Variants in NF1 observed in about 807,000 individuals in gnomAD.
The protein encoded by NF1 is neurofibromin 1.
In NF1, 122 loss-of-function variants were observed where a neutral mutation model predicts 325.7. That is an observed-to-expected ratio of 0.37 (90% CI 0.32 to 0.44). The LOEUF (loss-of-function observed/expected upper bound fraction) is 0.44. Ranked by LOEUF, NF1 falls within the 20% of genes least tolerant of loss-of-function variation. NF1 has a pLI of 1.00. For synonymous variants in NF1, 1,091 were observed against 1,186.0 expected, an observed-to-expected ratio of 0.92 and a Z score of 1.65; for missense variants, 2,140 against 3,415.4, an observed-to-expected ratio of 0.63 and a Z score of 9.31.
intron 36 of NF1, among the ~76,000 whole-genome samples, chr17:31,311,580 G>A (rs2151517488): frequency 6.6e-6 from 1 of 152,272 alleles, no homozygotes; most frequent in African/African-American, 2.4e-5. Flanking sequence ...AACTACAATA[G>A]GAAGTATTTG....
intron 1 of NF1, among the ~76,000 whole-genome samples, chr17:31,127,384 C>T (rs894166313): frequency 2.0e-5 from 3 of 151,966 alleles, no homozygotes; most frequent in African/African-American, 7.3e-5. Context: ...TTGAGGCTTC[C>T]TATTTAAGAA....
In NF1 at chr17:31,325,961, C is replaced by T. The variant is rs863224355; in HGVS notation, c.4977C>T (p.Leu1659=). ...GCAATCGCTTTAAAACAGACTTTCTCTCTAAGTGGTTTGTTGTTTTTCCTG... is the reference window on the plus strand; with the variant it reads ...GCAATCGCTTTAAAACAGACTTTCTTTCTAAGTGGTTTGTTGTTTTTCCTG... ...GPSNRFKTDF[L]SKWFVVFPGF... Residue 1659 remains leucine (L), a synonymous_variant, in exon 37 of 58, where the codon CTC becomes CTT. Transcript: ENST00000358273. 6.2e-7 allele frequency: 1 copy of T among 1,614,220 alleles called. No individual in the cohort carries two copies. The highest frequency in any genetic ancestry group is 8.5e-7 in the Non-Finnish European group (1 of 1,180,040).
chr17:31,139,297 C>A (rs528130985), intron 1 of NF1, among the ~76,000 whole-genome samples: 1 of 152,008 alleles, frequency 6.6e-6, no homozygotes, highest in Non-Finnish European at 1.5e-5. Flanking sequence ...ATCGGCCTGC[C>A]TCGGCCTCTC....
intron 3 of NF1, among the ~76,000 whole-genome samples, chr17:31,162,366 A>G (rs975807488): frequency 3.9e-5 from 6 of 152,210 alleles, no homozygotes; most frequent in African/African-American, 7.2e-5. Context: ...AATCCCAGCT[A>G]TTAGGGAGGC....
chr17:31,367,456 C>A (rs190051933), intron 57 of NF1, among the ~76,000 whole-genome samples: 4 of 152,068 alleles, frequency 2.6e-5, no homozygotes, highest in Admixed American at 1.3e-4. Context: ...ATTGCACGGC[C>A]AGTGTGTGGC....
At chr17:31,097,041 G>T (rs1378902860) in intron 1 of NF1, among the ~76,000 whole-genome samples, 5 of 152,002 alleles carry the variant, frequency 3.3e-5, no homozygotes, top group African/African-American at 7.2e-5. Flanking sequence ...GATCCACGCC[G>T]CAATTCTCCT....
At chr17:31,095,530 A>C (rs1174164772) in intron 1 of NF1, 161 bp downstream of exon 1, 2 of 653,148 alleles carry the variant, frequency 3.1e-6, no homozygotes, top group Non-Finnish European at 5.0e-6. Flanking sequence ...GGGGGTGGCC[A>C]AGGCGGGAGG....
chr17:31,159,368 T>G (rs1403059315), intron 3 of NF1, among the ~76,000 whole-genome samples: 2 of 152,312 alleles, frequency 1.3e-5, no homozygotes, highest in East Asian at 3.9e-4. Context: ...GGAAAATATT[T>G]TATGAAGAGA....
At chr17:31,278,618 TA>T (rs745719794) in intron 36 of NF1, among the ~76,000 whole-genome samples, 14 of 149,086 alleles carry the variant, frequency 9.4e-5, no homozygotes, top group South Asian at 6.3e-4. Flanking sequence ...ATTTTTTTAT[TA>T]TTTTTTTTTT....
chr17:31,160,891 A>C (rs1395119426), intron 3 of NF1, among the ~76,000 whole-genome samples: 2 of 152,232 alleles, frequency 1.3e-5, no homozygotes, highest in African/African-American at 2.4e-5. Context: ...TGTAATGCAT[A>C]AAATGTATAT....
chr17:31,346,847 G>C (rs1285193356), intron 48 of NF1, among the ~76,000 whole-genome samples: 1 of 71,652 alleles, frequency 1.4e-5, no homozygotes, highest in East Asian at 4.1e-4. Context: ...TTTTACATCT[G>C]TTTTCACTCT....
At chr17:31,342,760 T>G (rs2069856224) in intron 47 of NF1, among the ~76,000 whole-genome samples, 1 of 152,224 alleles carries the variant, frequency 6.6e-6, no homozygotes, top group East Asian at 1.9e-4. Context: ...TGACAGTCAT[T>G]TATTTTGTAT....
chr17:31,238,853 G>A (rs2067247297), intron 29 of NF1, among the ~76,000 whole-genome samples: 1 of 152,134 alleles, frequency 6.6e-6, no homozygotes, highest in Non-Finnish European at 1.5e-5. Context: ...AGTTAACGGG[G>A]AAACCCAGGG....
chr17:31,275,286 A>T (rs1388081987), intron 36 of NF1, among the ~76,000 whole-genome samples: 1 of 152,322 alleles, frequency 6.6e-6, no homozygotes, highest in Non-Finnish European at 1.5e-5. Flanking sequence ...AGAAATAAAC[A>T]TAAGTTGGAT....
intron 8 of NF1, among the ~76,000 whole-genome samples, chr17:31,194,978 T>A (rs1397792687): frequency 6.6e-6 from 1 of 152,160 alleles, no homozygotes; most frequent in Non-Finnish European, 1.5e-5. Context: ...CAGTTATTTG[T>A]GCCAAATTAG....
At position 31,112,713 on chromosome 17, in the gene NF1, CT is replaced by C. The variant is rs1357890013; in HGVS notation, c.60+17346del. Among the ~76,000 whole-genome samples, 3 of 151,990 alleles carry C rather than the reference CT, an allele frequency of 2.0e-5. No homozygotes were observed. The East Asian group carries it at 5.8e-4, about 29-fold the overall frequency. ...TGATTTGCAAGTCTTCTAGTTTTTCCTTGTTTTTTTGTTCTCAAAGTCTTTC... is the reference window on the plus strand; with the variant it reads ...TGATTTGCAAGTCTTCTAGTTTTTCCTGTTTTTTTGTTCTCAAAGTCTTTC... On this transcript the variant is annotated intron_variant, in intron 1 of 57. Coordinates refer to ENST00000358273, the MANE Select transcript of NF1 (RefSeq NM_001042492.3).
At chr17:31,306,234 T>TA (rs1471556925) in intron 36 of NF1, among the ~76,000 whole-genome samples, 2 of 152,282 alleles carry the variant, frequency 1.3e-5, no homozygotes, top group South Asian at 2.1e-4. Flanking sequence ...GGTTAATTGA[T>TA]ATTCTGTCCT....
Position 31,163,206 on chromosome 17 carries a change from A to G in NF1, c.309A>G (p.Arg103=), listed in dbSNP as rs1225112706. ...CLAGQPKDTM[R]LDETMLVKQL... is the part of the protein sequence containing the mutation. ...TTTAGCAACCAAAGGACACAATGAG[A>G]TTAGATGAAACGATGCTGGTCAAAC... Residue 103 remains arginine (R), a synonymous_variant, in exon 4 of 58, where the codon AGA becomes AGG. Transcript: ENST00000358273. 6.2e-7 allele frequency: 1 copy of G among 1,614,160 alleles called. No individual in the cohort carries two copies. Among genetic ancestry groups the G allele is most frequent in the South Asian group, 1.1e-5 (1 of 91,084 alleles).
rs573519948 is a variant in NF1 at position 31,318,825 on chromosome 17, A to C, written c.4836-6995A>C. On this transcript the variant is annotated intron_variant, in intron 36 of 57. Transcript: ENST00000358273. Reference sequence around the variant, plus strand: ...CTTTATAATCTACTTCAGGAGTTATAGGGTTTGTGTTAATGTTTTCATTTT... The same window carrying C: ...CTTTATAATCTACTTCAGGAGTTATCGGGTTTGTGTTAATGTTTTCATTTT... 57 of 1,613,888 alleles carry C rather than the reference A, an allele frequency of 3.5e-5. No homozygotes were observed. The Middle Eastern group carries it at 6.6e-4, about 19-fold the overall frequency.
Sources: allele counts gnomAD v4.1 joint callset (sites outside exome capture counted in the v4.1 genomes callset), GRCh38; gene constraint gnomAD v4.1.1; transcripts MANE v1.5; gene names NCBI Gene and HGNC (gene_info 2026-07-23, HGNC 2026-07-21).